Variants in TET3 observed in about 807,000 individuals in gnomAD.
TET3 encodes tet methylcytosine dioxygenase 3.
Under a neutral mutation model 141.4 loss-of-function variants are expected in TET3, and 19 were observed. The ratio of observed to expected loss-of-function variants is 0.13; its 90% confidence interval spans 0.09 to 0.20. TET3 has a LOEUF of 0.20. Ranked by LOEUF, TET3 falls within the 10% of genes least tolerant of loss-of-function variation. The probability of loss-of-function intolerance (pLI) is 1.00; values close to 1 mark genes in which losing one functional copy is unlikely to be tolerated. For missense variants in TET3, 1,874 were observed against 2,356.9 expected (o/e 0.80, Z 4.24); for synonymous variants, 1,043 against 980.9 (o/e 1.06, Z -1.18).
At chr2:74,067,551 C>G (rs543122983) in intron 4 of TET3, among the ~76,000 whole-genome samples, 1 of 152,316 alleles carries the variant, frequency 6.6e-6, no homozygotes, top group African/African-American at 2.4e-5. Flanking sequence ...GCTACATTAA[C>G]AATTACGTAA....
intron 4 of TET3, among the ~76,000 whole-genome samples, chr2:74,057,025 C>CT (rs1294107927): frequency 6.6e-6 from 1 of 152,148 alleles, no homozygotes; most frequent in East Asian, 1.9e-4. Flanking sequence ...TTTGCTCCAG[C>CT]TTTTGAAGGG....
At chr2:74,133,916 T>C in the TET3 span, among the ~76,000 whole-genome samples, 190 of 152,220 alleles carry the variant, frequency 1.2e-3, 2 homozygotes, top group East Asian at 0.032. Context: ...GGCTAATTTT[T>C]GTATTTTCAG....
At chr2:74,084,229 C>G (rs573331218) in intron 6 of TET3, among the ~76,000 whole-genome samples, 6 of 152,204 alleles carry the variant, frequency 3.9e-5, no homozygotes, top group Admixed American at 3.9e-4. Flanking sequence ...CCGGCACATG[C>G]TACAACATGG....
intron 2 of TET3, among the ~76,000 whole-genome samples, chr2:73,987,753 T>C (rs1684114719): frequency 6.6e-6 from 1 of 152,176 alleles, no homozygotes. Context: ...TTGGGGGAAG[T>C]GGAAGAGTTG....
chr2:74,079,511 G>A (rs1383433146), intron 5 of TET3, among the ~76,000 whole-genome samples: 1 of 152,194 alleles, frequency 6.6e-6, no homozygotes, highest in African/African-American at 2.4e-5. Flanking sequence ...GATTCTGTAA[G>A]ATGGCGTTTA....
rs1331657519 is a variant in TET3 at position 74,107,005 on chromosome 2, T to A, written c.*4829T>A. 3.9e-5 allele frequency: 6 copies of A among 152,280 alleles called. No homozygotes were observed. Among genetic ancestry groups the A allele is most frequent in the Non-Finnish European group, 7.3e-5 (5 of 68,052 alleles). 9.4% of individuals were successfully genotyped at this position (152,280 alleles called of 1,614,324 possible). A position where few individuals can be genotyped will look rare whatever the true frequency, so the allele number is the denominator to read the frequency against. On this transcript the variant is annotated 3_prime_UTR_variant, in exon 12 of 12. Coordinates refer to ENST00000409262, the MANE Select transcript of TET3 (RefSeq NM_001287491.2). ...CATCTCATTGAGCTTTCTCAGTCAT[T>A]GTTGCTGTCATTTGAAATGACTCCC...
downstream of TET3, among the ~76,000 whole-genome samples, chr2:74,111,953 A>G (rs1429793124): frequency 1.3e-5 from 2 of 152,188 alleles, no homozygotes; most frequent in Non-Finnish European, 2.9e-5. Context: ...GTTGCAACAA[A>G]GTGGCTCCAC....
At chr2:74,120,175 G>C in the TET3 span, among the ~76,000 whole-genome samples, 1 of 152,302 alleles carries the variant, frequency 6.6e-6, no homozygotes, top group African/African-American at 2.4e-5. Flanking sequence ...GGCTCCTCCC[G>C]GGGGAACTCC....
intron 3 of TET3, among the ~76,000 whole-genome samples, chr2:74,005,697 G>T (rs1375893187): frequency 6.6e-6 from 1 of 152,164 alleles, no homozygotes; most frequent in Non-Finnish European, 1.5e-5. Context: ...TAGCCAGTGG[G>T]AATAGACACA....
chr2:74,024,241 G>T (rs1421305827), intron 3 of TET3, among the ~76,000 whole-genome samples: 1 of 152,204 alleles, frequency 6.6e-6, no homozygotes, highest in South Asian at 2.1e-4. Flanking sequence ...CTCGTTTGCA[G>T]ACCAGTCTGT....
At chr2:74,077,794 C>T (rs919941704) in intron 5 of TET3, among the ~76,000 whole-genome samples, 39 of 152,196 alleles carry the variant, frequency 2.6e-4, no homozygotes, top group African/African-American at 9.4e-4. Context: ...GCGAGGAATG[C>T]GATAGTGCTT....
At chr2:74,028,697 A>C (rs771200230) in intron 3 of TET3, among the ~76,000 whole-genome samples, 4 of 152,256 alleles carry the variant, frequency 2.6e-5, no homozygotes, top group African/African-American at 4.8e-5. Context: ...TACATGATGT[A>C]CATCAGTTAT....
chr2:74,080,329 C>T (rs1445403267), intron 5 of TET3, among the ~76,000 whole-genome samples, 169 bp from the exon 6 acceptor site: 2 of 152,216 alleles, frequency 1.3e-5, no homozygotes, highest in East Asian at 3.8e-4. Context: ...CGCTGTGTCT[C>T]CAGAGCCTTT....
At position 74,092,883 on chromosome 2, in the gene TET3, AC is replaced by A; in HGVS notation, c.3040-18del. The A allele has an allele frequency of 1.3e-6, 2 of 1,570,854 alleles. No individual in the cohort carries two copies. Among genetic ancestry groups the A allele is most frequent in the East Asian group, 4.7e-5 (2 of 42,374 alleles). On this transcript the variant is annotated intron_variant, in intron 8 of 11. Coordinates refer to ENST00000409262, the MANE Select transcript of TET3 (RefSeq NM_001287491.2). ...CAGGCGGGGCTGCTCTGGATGTGTG[AC>A]TGCCCCTCTCTCTGCAGGAAGAAGT...
chr2:74,012,717 A>G (rs1186049499), intron 3 of TET3, among the ~76,000 whole-genome samples: 1 of 152,170 alleles, frequency 6.6e-6, no homozygotes, highest in East Asian at 1.9e-4. Flanking sequence ...CCTTTTCCTT[A>G]GTATTTTTTC....
At position 74,106,018 on chromosome 2, in the gene TET3, TC is replaced by T. The variant is rs1358121616; in HGVS notation, c.*3844del. 1 of 152,984 alleles carries T rather than the reference TC, an allele frequency of 6.5e-6. No homozygotes were observed. The highest frequency in any genetic ancestry group is 1.5e-5 in the Non-Finnish European group (1 of 68,018). The allele number at this position is 152,984 out of a possible 1,614,324, so 9.5% of individuals were successfully genotyped here. A position where few individuals can be genotyped will look rare whatever the true frequency, so the allele number is the denominator to read the frequency against. On this transcript the variant is annotated 3_prime_UTR_variant, in exon 12 of 12. Transcript: ENST00000409262. ...GGTGTTTTAATGTGACTGTCCCTGATCCTGTCTTGCTGAGGTGCTATCAACG... is the reference window on the plus strand; with the variant it reads ...GGTGTTTTAATGTGACTGTCCCTGATCTGTCTTGCTGAGGTGCTATCAACG...
chr2:74,101,364 G>T lies in TET3; in HGVS notation c.4576G>T (p.Ala1526Ser). The change falls in exon 12 of 12, where the codon GCT becomes TCT. Residue 1526 changes from alanine (A) to serine (S), a missense_variant. Ala to Ser is a moderately conservative substitution (Grantham distance 99). This residue lies in a region of TET3 where 602 missense variants were observed against 590.2 expected (regional missense o/e 1.02). Transcript: ENST00000409262. This position sits in a 1 kb window ranked among gnomAD's most constrained non-coding sequence, Gnocchi z 8.5. ...GTTTGGGAACAGCACCTCGGCCTTG[G>T]CTGGGCCCAGCCTGACTGAGAAGCC... ...CKFGNSTSALAGPSLTEKPWA... is the reference protein window; with the variant it reads ...CKFGNSTSALSGPSLTEKPWA... 2 of 1,613,962 alleles carry T rather than the reference G, an allele frequency of 1.2e-6. No individual in the cohort carries two copies. The highest frequency in any genetic ancestry group is 1.3e-5 in the African/African-American group (1 of 75,068).
intron 3 of TET3, among the ~76,000 whole-genome samples, chr2:74,014,298 A>G (rs1277962592): frequency 6.6e-6 from 1 of 152,062 alleles, no homozygotes; most frequent in African/African-American, 2.4e-5. Context: ...CTGTGGCCTA[A>G]TTCTCTTGGT....
chr2:74,063,894 A>C (rs1317871406), intron 4 of TET3, among the ~76,000 whole-genome samples: 1 of 58,336 alleles, frequency 1.7e-5, no homozygotes, highest in Non-Finnish European at 3.1e-5. Context: ...CTCTGCAGAC[A>C]AAAAAAAAAA....
Sources: gnomAD v4.1 joint callset for allele counts (sites outside exome capture counted in the v4.1 genomes callset) on GRCh38, gnomAD v4.1.1 for gene constraint, gnomAD v4.1.1 regional missense constraint, Gnocchi (gnomAD v3.1) non-coding constraint, MANE v1.5 for transcripts, NCBI Gene and HGNC (gene_info 2026-07-23, HGNC 2026-07-21) for gene names.